The following AGBL4 variants were observed in gnomAD, a reference collection of about 807,000 sequenced individuals.
AGBL4 encodes the protein cytosolic carboxypeptidase 6.
Under a neutral mutation model 66.4 loss-of-function variants are expected in AGBL4, and 58 were observed. The ratio of observed to expected loss-of-function variants is 0.87; its 90% CI spans 0.71 to 1.09. AGBL4 has a LOEUF of 1.09. AGBL4 is among the 50% of genes least tolerant of loss of function. AGBL4 has a pLI of 0.00. For synonymous variants in AGBL4, 234 were observed against 222.9 expected (o/e 1.05, Z -0.44); for missense variants, 579 against 631.0 (o/e 0.92, Z 0.88).
At chr1:49,615,602 G>GC (rs1441787449) in intron 3 of AGBL4, among the ~76,000 whole-genome samples, 10 of 152,110 alleles carry the variant, frequency 6.6e-5, no homozygotes, top group South Asian at 2.1e-4. Context: ...GATTTATGTT[G>GC]AATTTCATAA....
At chr1:48,937,219 G>T (rs989945441) in intron 5 of AGBL4, among the ~76,000 whole-genome samples, 27 of 152,188 alleles carry the variant, frequency 1.8e-4, no homozygotes, top group African/African-American at 6.0e-4. Flanking sequence ...ATTAACCTCA[G>T]AGAAGTAAAG....
At chr1:49,683,849 C>T (rs1258945839) in intron 3 of AGBL4, among the ~76,000 whole-genome samples, 2 of 152,118 alleles carry the variant, frequency 1.3e-5, no homozygotes, top group African/African-American at 2.4e-5. Flanking sequence ...AGAGGATACA[C>T]ACTTGATGAA....
At position 49,781,360 on chromosome 1, in the gene AGBL4, C is replaced by A. The variant is rs1238079806; in HGVS notation, c.157+70036G>T. The stretch of plus-strand genomic sequence containing the variant: ...AGTAAGCTATGATCATACCACTGTA[C>A]TCTCCAGCCTGAGCAACAGAGCAAG... On this transcript the variant is annotated intron_variant, in intron 2 of 13. Transcript: ENST00000371839. 2.0e-5 allele frequency among the ~76,000 whole-genome samples: 3 copies of A among 152,046 alleles called. No individual in the cohort carries two copies. The East Asian group carries it at 5.8e-4, about 29-fold the overall frequency.
intron 3 of AGBL4, among the ~76,000 whole-genome samples, chr1:49,335,270 G>A (rs1037086672): frequency 2.0e-5 from 3 of 152,022 alleles, no homozygotes; most frequent in Non-Finnish European, 2.9e-5. Flanking sequence ...AAGTCATGTT[G>A]ACGCAACCAT....
chr1:48,781,877 T>A (rs1016106385), intron 6 of AGBL4, among the ~76,000 whole-genome samples: 2 of 152,246 alleles, frequency 1.3e-5, no homozygotes, highest in Non-Finnish European at 2.9e-5. Flanking sequence ...TCTCCTCATA[T>A]GACCTGGTTT....
chr1:49,961,557 TCTA>T (rs1378033136), intron 1 of AGBL4, among the ~76,000 whole-genome samples: 1 of 152,126 alleles, frequency 6.6e-6, no homozygotes. Flanking sequence ...TTAGGACTTT[TCTA>T]CTACTATGAA....
chr1:48,719,479 G>A (rs1248676483), intron 6 of AGBL4, among the ~76,000 whole-genome samples: 1 of 152,110 alleles, frequency 6.6e-6, no homozygotes, highest in African/African-American at 2.4e-5. Context: ...CCATTCTGAT[G>A]CCAGCATCAT....
intron 4 of AGBL4, among the ~76,000 whole-genome samples, chr1:49,160,364 C>T (rs2148138637): frequency 6.6e-6 from 1 of 152,294 alleles, no homozygotes; most frequent in African/African-American, 2.4e-5. Context: ...CCACTCCAGA[C>T]CCTATTTGCC....
intron 4 of AGBL4, among the ~76,000 whole-genome samples, chr1:49,194,203 G>C (rs186965298): frequency 6.6e-6 from 1 of 152,104 alleles, no homozygotes; most frequent in South Asian, 2.1e-4. Flanking sequence ...CCTGTACTAG[G>C]TGCATATATA....
intron 6 of AGBL4, among the ~76,000 whole-genome samples, chr1:48,686,806 G>A (rs544314227): frequency 7.9e-5 from 12 of 152,334 alleles, no homozygotes; most frequent in Non-Finnish European, 1.2e-4. Context: ...TAGCCACACA[G>A]TGTAGGATTC....
At chr1:49,570,852 C>T (rs1558063143) in intron 3 of AGBL4, among the ~76,000 whole-genome samples, 1 of 151,860 alleles carries the variant, frequency 6.6e-6, no homozygotes, top group African/African-American at 2.4e-5. Flanking sequence ...TGTCCTTTTC[C>T]CAGTGTAAGT....
intron 5 of AGBL4, among the ~76,000 whole-genome samples, chr1:48,985,591 CA>C (rs1471286029): frequency 5.3e-5 from 8 of 152,030 alleles, no homozygotes; most frequent in Non-Finnish European, 1.0e-4. Flanking sequence ...TTAAGCTGAG[CA>C]AATACTTTTC....
intron 3 of AGBL4, among the ~76,000 whole-genome samples, chr1:49,430,298 A>G (rs1346583788): frequency 6.6e-6 from 1 of 152,128 alleles, no homozygotes; most frequent in African/African-American, 2.4e-5. Flanking sequence ...CCCTTCTCTG[A>G]TTCCCAAGTC....
intron 6 of AGBL4, among the ~76,000 whole-genome samples, chr1:48,792,527 T>C (rs962383731): frequency 1.3e-5 from 2 of 152,202 alleles, no homozygotes; most frequent in African/African-American, 4.8e-5. Context: ...GTAATCTTGG[T>C]TAAGCCAGGA....
chr1:49,484,516 CA>C (rs1178545323), intron 3 of AGBL4, among the ~76,000 whole-genome samples: 4 of 152,024 alleles, frequency 2.6e-5, no homozygotes, highest in African/African-American at 9.7e-5. Context: ...ACAAAATTCA[CA>C]TGTTCTCCCT....
At chr1:49,285,336 C>T (rs577992639) in intron 3 of AGBL4, among the ~76,000 whole-genome samples, 1 of 152,014 alleles carries the variant, frequency 6.6e-6, no homozygotes, top group African/African-American at 2.4e-5. Context: ...AACAAAGACA[C>T]AACATACCAT....
At chr1:49,537,155 TAAAG>T (rs1167827078) in intron 3 of AGBL4, among the ~76,000 whole-genome samples, 2 of 152,188 alleles carry the variant, frequency 1.3e-5, no homozygotes, top group East Asian at 3.9e-4. Context: ...CAAGATGGAA[TAAAG>T]ACTTAAATGT....
intron 3 of AGBL4, among the ~76,000 whole-genome samples, chr1:49,258,999 A>G (rs1652834885): frequency 6.6e-6 from 1 of 152,200 alleles, no homozygotes; most frequent in African/African-American, 2.4e-5. Flanking sequence ...GGGGGCCAAT[A>G]TTCAACATTC....
intron 5 of AGBL4, among the ~76,000 whole-genome samples, chr1:48,980,760 T>G (rs1226281241): frequency 2.4e-5 from 1 of 41,074 alleles, no homozygotes; most frequent in East Asian, 5.4e-4. Flanking sequence ...TATATATATA[T>G]ATATATATAT....
Sources: allele counts gnomAD v4.1 joint callset (sites outside exome capture counted in the v4.1 genomes callset), GRCh38; gene constraint gnomAD v4.1.1; transcripts MANE v1.5; gene names NCBI Gene and HGNC (gene_info 2026-07-23, HGNC 2026-07-21).